The following C3orf52 variants were observed in gnomAD, a reference collection of about 807,000 sequenced individuals.
C3orf52 encodes chromosome 3 open reading frame 52.
A neutral mutation model predicts 24.8 loss-of-function variants in C3orf52; 22 were observed. That is an observed-to-expected ratio of 0.89 (90% CI 0.63 to 1.27). The LOEUF (loss-of-function observed/expected upper bound fraction) is 1.27, where lower values mean the gene tolerates loss of function less well. Ranked by LOEUF, C3orf52 falls within the 50% of genes most tolerant of loss-of-function variation. The probability of loss-of-function intolerance (pLI) is 0.00; values close to 1 mark genes in which losing one functional copy is unlikely to be tolerated. For synonymous variants in C3orf52, 93 were observed against 100.2 expected, an observed-to-expected ratio of 0.93 and a Z score of 0.43; for missense variants, 265 against 260.7, an observed-to-expected ratio of 1.02 and a Z score of -0.11.
In C3orf52 at chr3:112,113,082, C is replaced by T. The variant is rs576168537; in HGVS notation, c.586C>T (p.Arg196Cys). Residue 196 changes from arginine to cysteine, a missense_variant, in exon 5 of 6, where the codon CGT becomes TGT. Transcript: ENST00000264848. Reference protein sequence around the residue: ...LVLGILLQDFRDQNIPGCESL... With the variant: ...LVLGILLQDFCDQNIPGCESL... ...GCTGGGCATTTTGCTACAGGATTTCCGTGATCAGAATATACCTGGTTGTGA... is the reference window on the plus strand; with the variant it reads ...GCTGGGCATTTTGCTACAGGATTTCTGTGATCAGAATATACCTGGTTGTGA... 55 of 1,611,262 alleles carry T rather than the reference C, an allele frequency of 3.4e-5. No homozygotes were observed. In the South Asian group the frequency reaches 4.4e-4, roughly 13 times the overall value.
downstream of C3orf52, among the ~76,000 whole-genome samples, chr3:112,120,384 CG>C: frequency 6.6e-6 from 1 of 152,204 alleles, no homozygotes; most frequent in South Asian, 2.1e-4. Flanking sequence ...TCCTAAAAAA[CG>C]TTAGCATTTC....
intron 2 of C3orf52, among the ~76,000 whole-genome samples, chr3:112,100,726 G>C (rs73218022): frequency 0.015 from 2,303 of 152,252 alleles, 17 homozygotes; most frequent in Non-Finnish European, 0.024. Context: ...ATTTATAGAA[G>C]TAGAAAGCTA....
chr3:112,109,518 G>T, intron 3 of C3orf52, 25 bp from the exon 4 acceptor site: 1 of 1,481,810 alleles, frequency 6.7e-7, no homozygotes. Context: ...AATGTGTGTG[G>T]TTTAATTTGC....
At chr3:112,115,695 G>A (rs2074127998) in intron 5 of C3orf52, among the ~76,000 whole-genome samples, 2 of 152,138 alleles carry the variant, frequency 1.3e-5, no homozygotes, top group South Asian at 2.1e-4. Context: ...GTTTGTATAT[G>A]TGCGCTTTAG....
intron 1 of C3orf52, 50 bp from the exon 2 acceptor site, chr3:112,093,310 T>A (rs1210183882): frequency 6.2e-7 from 1 of 1,604,108 alleles, no homozygotes; most frequent in East Asian, 2.2e-5. Context: ...TATTCAGAAC[T>A]GTCTGTTGCA....
intron 5 of C3orf52, 147 bp downstream of exon 5, chr3:112,113,292 G>T: frequency 1.6e-6 from 1 of 635,898 alleles, no homozygotes; most frequent in Non-Finnish European, 2.7e-6. Flanking sequence ...CTCAGCAGAT[G>T]GTGTTGCTGT....
At chr3:112,094,906 G>A (rs1235245695) in intron 2 of C3orf52, among the ~76,000 whole-genome samples, 1 of 152,210 alleles carries the variant, frequency 6.6e-6, no homozygotes, top group Non-Finnish European at 1.5e-5. Flanking sequence ...TACAAACCCA[G>A]TCATAGAATG....
At chr3:112,128,784 C>T (rs1343487643), downstream of C3orf52, 1 of 155,970 alleles carries the variant, frequency 6.4e-6, no homozygotes, top group African/African-American at 2.4e-5. Flanking sequence ...CTCTGCAGTC[C>T]TGCATCTACA....
intron 4 of C3orf52, among the ~76,000 whole-genome samples, chr3:112,126,349 G>C (rs1576164110): frequency 6.6e-6 from 1 of 152,126 alleles, no homozygotes; most frequent in African/African-American, 2.4e-5. Flanking sequence ...ACAATGGCTT[G>C]TCCTCAGGCC....
At chr3:112,095,375 T>G (rs576814974) in intron 2 of C3orf52, among the ~76,000 whole-genome samples, 17 of 152,294 alleles carry the variant, frequency 1.1e-4, no homozygotes, top group Admixed American at 3.9e-4. Flanking sequence ...AAGTTGATAT[T>G]TGGATCCTGT....
At chr3:112,092,156 G>A (rs984369074) in intron 1 of C3orf52, among the ~76,000 whole-genome samples, 4 of 152,160 alleles carry the variant, frequency 2.6e-5, no homozygotes, top group Non-Finnish European at 4.4e-5. Context: ...CCCTTTGGCC[G>A]AACTCCCAAT....
chr3:112,086,506 G>A lies in C3orf52; in HGVS notation c.99G>A (p.Lys33=). 3 of 1,551,470 alleles carry A rather than the reference G, an allele frequency of 1.9e-6. No homozygotes were observed. Among genetic ancestry groups the A allele is most frequent in the East Asian group, 2.4e-5 (1 of 40,908 alleles). ...EENTPLNGAD[K]VFPSLDEEVP... is the part of the protein sequence containing the mutation. ...ACACGCCTCTCAATGGTGCCGACAA[G>A]GTCTTCCCTTCTTTGGACGAGGAGG... is the stretch of plus-strand genomic sequence containing the variant. The change falls in exon 1 of 6, where the codon AAG becomes AAA. Residue 33 remains lysine, a synonymous_variant. Coordinates refer to ENST00000264848, the MANE Select transcript of C3orf52 (RefSeq NM_024616.3).
intron 2 of C3orf52, among the ~76,000 whole-genome samples, chr3:112,098,437 A>T (rs2073943734): frequency 6.6e-6 from 1 of 152,214 alleles, no homozygotes; most frequent in South Asian, 2.1e-4. Context: ...TGGAGAGCTC[A>T]TTCACTCCCA....
At position 112,116,894 on chromosome 3, in the gene C3orf52, A is replaced by T. The variant is rs1343563160; in HGVS notation, c.*248A>T. On this transcript the variant is annotated 3_prime_UTR_variant, in exon 6 of 6. Coordinates refer to ENST00000264848, the MANE Select transcript of C3orf52 (RefSeq NM_024616.3). ...CAGGAAGCCAGCTAGGGTGGGGGCGATAGGGTCAGCGGGTATGTCCCACTG... is the reference window on the plus strand; with the variant it reads ...CAGGAAGCCAGCTAGGGTGGGGGCGTTAGGGTCAGCGGGTATGTCCCACTG... The T allele has an allele frequency of 1.8e-5, 27 of 1,537,102 alleles. No homozygotes were observed. Among genetic ancestry groups the T allele is most frequent in the Non-Finnish European group, 2.2e-5 (25 of 1,146,896 alleles).
rs761716249 is a variant in C3orf52, at chr3:112,093,352, C to T, written c.139-8C>T. ...TGACTGCCTCACAATCTCCCTCTGC[C>T]TTTCTAGGCTAACAAGGAAAGCCCC... On this transcript the variant is annotated splice_polypyrimidine_tract_variant and splice_region_variant and intron_variant, in intron 1 of 5. Transcript: ENST00000264848. 1.2e-5 allele frequency: 19 copies of T among 1,613,446 alleles called. No homozygotes were observed. Among genetic ancestry groups the T allele is most frequent in the Admixed American group, 6.7e-5 (4 of 59,968 alleles).
At chr3:112,126,885 G>A in intron 4 of C3orf52, 1 of 822,064 alleles carries the variant, frequency 1.2e-6, no homozygotes, top group Non-Finnish European at 2.1e-6. Context: ...TGTAGATATT[G>A]TAATTGAAAT....
intron 3 of C3orf52, 77 bp from the exon 4 acceptor site, chr3:112,109,466 C>A: frequency 2.5e-6 from 2 of 797,732 alleles, no homozygotes; most frequent in Non-Finnish European, 4.1e-6. Flanking sequence ...GCCTTAGAAG[C>A]AGTTTTGCTT....
chr3:112,100,768 G>A (rs2073965905), intron 2 of C3orf52, among the ~76,000 whole-genome samples: 1 of 152,156 alleles, frequency 6.6e-6, no homozygotes, highest in South Asian at 2.1e-4. Flanking sequence ...AAGAAAATAG[G>A]TGAGCCTATT....
At chr3:112,095,242 G>C (rs769767556) in intron 2 of C3orf52, among the ~76,000 whole-genome samples, 2 of 152,194 alleles carry the variant, frequency 1.3e-5, no homozygotes, top group Non-Finnish European at 2.9e-5. Context: ...TCATGCTGAG[G>C]ACAATAGTTT....
Sources: gnomAD v4.1 joint callset for allele counts (sites outside exome capture counted in the v4.1 genomes callset) on GRCh38, gnomAD v4.1.1 for gene constraint, MANE v1.5 for transcripts, NCBI Gene and HGNC (gene_info 2026-07-23, HGNC 2026-07-21) for gene names.